The following DCC variants were observed in gnomAD, a reference collection of about 807,000 sequenced individuals.
DCC encodes the protein netrin receptor DCC.
Under a neutral mutation model 172.5 loss-of-function variants are expected in DCC, and 58 were observed. The observed-to-expected ratio is 0.34, with a 90% CI of 0.27 to 0.42. The LOEUF (loss-of-function observed/expected upper bound fraction) is 0.42, where lower values mean the gene tolerates loss of function less well. DCC is among the 10% of genes least tolerant of loss of function. The pLI is 1.00. For synonymous variants in DCC, 709 were observed against 644.5 expected, an observed-to-expected ratio of 1.10 and a Z score of -1.52; for missense variants, 1,740 against 1,791.0, an observed-to-expected ratio of 0.97 and a Z score of 0.51.
At chr18:52,973,654 G>A (rs2041066023) in intron 5 of DCC, among the ~76,000 whole-genome samples, 1 of 152,126 alleles carries the variant, frequency 6.6e-6, no homozygotes, top group African/African-American at 2.4e-5. Context: ...AGACCTTAGT[G>A]ATCTGCAGAC....
intron 12 of DCC, among the ~76,000 whole-genome samples, chr18:53,260,012 G>C (rs934098228): frequency 6.6e-6 from 1 of 152,056 alleles, no homozygotes; most frequent in Non-Finnish European, 1.5e-5. Context: ...TGAGGCTTTT[G>C]CATTCGTCAT....
At chr18:52,629,678 C>T (rs562170239) in intron 1 of DCC, among the ~76,000 whole-genome samples, 1 of 151,886 alleles carries the variant, frequency 6.6e-6, no homozygotes, top group Non-Finnish European at 1.5e-5. Flanking sequence ...AGTCCGGGCG[C>T]GGTGGCTCAC....
intron 5 of DCC, among the ~76,000 whole-genome samples, chr18:52,982,173 A>G (rs2041222252): frequency 6.6e-6 from 1 of 152,134 alleles, no homozygotes; most frequent in Admixed American, 6.5e-5. Flanking sequence ...AAATTTACAG[A>G]GGGAGGATAG....
At chr18:53,139,118 G>A (rs951350231) in intron 7 of DCC, among the ~76,000 whole-genome samples, 2 of 152,078 alleles carry the variant, frequency 1.3e-5, no homozygotes, top group African/African-American at 4.8e-5. Context: ...ATGTTCATAG[G>A]CTGCTTTGTA....
chr18:53,197,451 GTTAAA>G (rs2055462402), intron 9 of DCC, among the ~76,000 whole-genome samples: 1 of 110,276 alleles, frequency 9.1e-6, no homozygotes, highest in Non-Finnish European at 1.8e-5. Context: ...AACAGTGGCT[GTTAAA>G]TTGATGATTT....
intron 2 of DCC, among the ~76,000 whole-genome samples, chr18:52,874,833 G>A (rs2039377584): frequency 6.6e-6 from 1 of 152,114 alleles, no homozygotes; most frequent in South Asian, 2.1e-4. Flanking sequence ...AACTAGATTG[G>A]TTAGGAAAGA....
At chr18:53,431,274 G>A (rs1002354750) in intron 21 of DCC, among the ~76,000 whole-genome samples, 19 of 66,620 alleles carry the variant, frequency 2.9e-4, no homozygotes, top group Admixed American at 1.6e-3. Flanking sequence ...AACTTTGGCA[G>A]AAGCTTTTTT....
intron 10 of DCC, among the ~76,000 whole-genome samples, chr18:53,206,407 ATTGTAACACATAT>A (rs2144554489): frequency 6.4e-5 from 3 of 47,060 alleles, no homozygotes; most frequent in African/African-American, 3.2e-4. Flanking sequence ...ACATATATGT[ATTGTAACACATAT>A]ATGTATATAT....
chr18:53,482,179 A>AT (rs1473596683), intron 25 of DCC, among the ~76,000 whole-genome samples: 1 of 152,120 alleles, frequency 6.6e-6, no homozygotes, highest in Non-Finnish European at 1.5e-5. Context: ...AAGAATGATT[A>AT]TTTTTTGTTA....
chr18:53,474,379 T>C (rs2045736017), intron 25 of DCC, among the ~76,000 whole-genome samples: 1 of 152,150 alleles, frequency 6.6e-6, no homozygotes. Context: ...TTATGTAAAA[T>C]TAGAAAATCA....
At chr18:53,241,909 C>T (rs1359551594) in intron 12 of DCC, among the ~76,000 whole-genome samples, 1 of 152,106 alleles carries the variant, frequency 6.6e-6, no homozygotes, top group Admixed American at 6.6e-5. Flanking sequence ...TCCTATAGAT[C>T]TCCAGTAATA....
At chr18:53,070,939 A>G (rs1309717053) in intron 7 of DCC, among the ~76,000 whole-genome samples, 1 of 152,184 alleles carries the variant, frequency 6.6e-6, no homozygotes, top group African/African-American at 2.4e-5. Flanking sequence ...AAATTAAGCA[A>G]TGAGGCTGAC....
chr18:52,960,237 A>C (rs999255122), intron 5 of DCC, among the ~76,000 whole-genome samples: 3 of 152,140 alleles, frequency 2.0e-5, no homozygotes, highest in Non-Finnish European at 4.4e-5. Context: ...ATGACAGATT[A>C]AGGAGGGAAA....
At chr18:52,769,760 GAAGT>G (rs2037310146) in intron 2 of DCC, among the ~76,000 whole-genome samples, 1 of 152,144 alleles carries the variant, frequency 6.6e-6, no homozygotes, top group Non-Finnish European at 1.5e-5. Flanking sequence ...TTAAGTTTGT[GAAGT>G]ATGTAAGGTC....
chr18:53,135,193 T>C (rs904159367), intron 7 of DCC, among the ~76,000 whole-genome samples: 1 of 152,110 alleles, frequency 6.6e-6, no homozygotes, highest in Non-Finnish European at 1.5e-5. Flanking sequence ...TGCCGCTCTC[T>C]TGGTTTCTAG....
intron 1 of DCC, among the ~76,000 whole-genome samples, chr18:52,365,497 C>G (rs1984806288): frequency 6.6e-6 from 1 of 151,184 alleles, no homozygotes; most frequent in African/African-American, 2.4e-5. Flanking sequence ...CAATGGGAAT[C>G]TTGGGAGTAC....
At position 53,429,130 on chromosome 18, in the gene DCC, A is replaced by AAT. The variant is rs1568127264; in HGVS notation, c.3164-6003_3164-6002dup. Among the ~76,000 whole-genome samples, 4 of 93,988 alleles carry AAT rather than the reference A, an allele frequency of 4.3e-5. 1 individual carries two copies. Among genetic ancestry groups the AAT allele is most frequent in the Admixed American group, 3.1e-4 (2 of 6,458 alleles). The allele number at this position is 93,988 out of a possible 152,430, so 61.7% of individuals were successfully genotyped here. Reference sequence around the variant, plus strand: ...AATATATATATTTTATATATATATAAATATATATATATCGGTTGGTCTGGC... The same window carrying AAT: ...AATATATATATTTTATATATATATAAATATATATATATATCGGTTGGTCTGGC... On this transcript the variant is annotated intron_variant, in intron 21 of 28. Transcript: ENST00000442544.
intron 1 of DCC, among the ~76,000 whole-genome samples, chr18:52,717,056 GAC>G (rs2036395272): frequency 6.6e-6 from 1 of 152,128 alleles, no homozygotes; most frequent in Non-Finnish European, 1.5e-5. Flanking sequence ...GCAAGTATCA[GAC>G]CACATGAATG....
chr18:53,073,934 G>C lies in DCC; in HGVS notation c.1261+7768G>C, dbSNP rs925773867. Among the ~76,000 whole-genome samples, 3 of 151,338 alleles carry C rather than the reference G, an allele frequency of 2.0e-5. No individual in the cohort carries two copies. The East Asian group carries it at 5.8e-4, about 29-fold the overall frequency. On this transcript the variant is annotated intron_variant, in intron 7 of 28. Transcript: ENST00000442544. Reference sequence around the variant, plus strand: ...ATAATATAATTACATTATAATTATAGTGTTTCCTACTACATGTTGATTCTG... The same window carrying C: ...ATAATATAATTACATTATAATTATACTGTTTCCTACTACATGTTGATTCTG...
Sources: gnomAD v4.1 joint callset for allele counts (sites outside exome capture counted in the v4.1 genomes callset) on GRCh38, gnomAD v4.1.1 for gene constraint, MANE v1.5 for transcripts, NCBI Gene and HGNC (gene_info 2026-07-23, HGNC 2026-07-21) for gene names.